STIM2: variants seen among roughly 807,000 people sequenced by gnomAD.
STIM2 encodes the protein stromal interaction molecule 2.
Under a neutral mutation model 85.8 loss-of-function variants are expected in STIM2, and 31 were observed. That is an observed-to-expected ratio of 0.36 (90% CI 0.27 to 0.49). The LOEUF (loss-of-function observed/expected upper bound fraction) is 0.49, where lower values mean the gene tolerates loss of function less well. Among genes scored for constraint, STIM2 ranks in the 20% least tolerant of loss-of-function variants. STIM2 has a pLI of 0.98. For missense variants in STIM2, 841 were observed against 927.6 expected, an observed-to-expected ratio of 0.91 and a Z score of 1.21; for synonymous variants, 356 against 331.1, an observed-to-expected ratio of 1.08 and a Z score of -0.82.
rs778412917 is a variant in STIM2 at position 26,861,348 on chromosome 4, G to C, written c.130G>C (p.Asp44His). 2 of 1,369,696 alleles carry C rather than the reference G, an allele frequency of 1.5e-6. No homozygotes were observed. Among genetic ancestry groups the C allele is most frequent in the South Asian group, 1.7e-5 (1 of 59,962 alleles). The allele number at this position is 1,369,696 out of a possible 1,614,324, so 84.8% of individuals were successfully genotyped here. A position where few individuals can be genotyped will look rare whatever the true frequency, so the allele number is the denominator to read the frequency against. Reference sequence around the variant, plus strand: ...CTCCTCTCCCGCCGCGGCGGCCGGCGATAGCCCGGCGCTCATGACAGGTGA... The same window carrying C: ...CTCCTCTCCCGCCGCGGCGGCCGGCCATAGCCCGGCGCTCATGACAGGTGA... Residue 44 changes from aspartate (D) to histidine (H), a missense_variant, in exon 1 of 12, where the codon GAT becomes CAT. This residue lies in a region of STIM2 where 140 missense variants were observed against 117.7 expected (regional missense o/e 1.19). Coordinates refer to ENST00000467087, the MANE Select transcript of STIM2 (RefSeq NM_020860.4).
At chr4:26,919,780 C>A in intron 2 of STIM2, 146 bp downstream of exon 2, 1 of 960,306 alleles carries the variant, frequency 1.0e-6, no homozygotes, top group South Asian at 1.8e-5. Flanking sequence ...GTTAATTTTA[C>A]CCTTAATAAA....
chr4:26,861,007 C>A lies in STIM2; in HGVS notation c.-212C>A. The A allele has an allele frequency of 1.6e-6, 2 of 1,275,428 alleles. No individual in the cohort carries two copies. Among genetic ancestry groups the A allele is most frequent in the Non-Finnish European group, 1.0e-6 (1 of 1,000,898 alleles). 79.0% of individuals were successfully genotyped at this position (1,275,428 alleles called of 1,614,324 possible). On this transcript the variant is annotated 5_prime_UTR_variant, in exon 1 of 12. Transcript: ENST00000467087. ...CCGGAGGCCGCCGGTGCCGATGGGA[C>A]CAGGCTGGCGCCCGGCGGGAGCCCG...
At chr4:26,928,407 A>G (rs1172654870) in intron 2 of STIM2, among the ~76,000 whole-genome samples, 3 of 152,362 alleles carry the variant, frequency 2.0e-5, no homozygotes, top group Non-Finnish European at 4.4e-5. Flanking sequence ...CATGATATAT[A>G]CACAGAGAAA....
intron 1 of STIM2, among the ~76,000 whole-genome samples, chr4:26,907,458 A>G (rs12331333): frequency 0.45 from 68,172 of 151,962 alleles, 15,436 homozygotes; most frequent in East Asian, 0.63. Context: ...GCTGTTAACA[A>G]GTACTGAAGT....
intron 3 of STIM2, among the ~76,000 whole-genome samples, chr4:26,995,002 ATG>A (rs1433701224): frequency 6.6e-6 from 1 of 152,126 alleles, no homozygotes; most frequent in African/African-American, 2.4e-5. Context: ...AGTGCTTAGA[ATG>A]AAATCTGGTA....
chr4:26,870,044 A>G (rs183448898), intron 1 of STIM2, among the ~76,000 whole-genome samples: 25 of 152,272 alleles, frequency 1.6e-4, no homozygotes, highest in South Asian at 4.1e-4. Context: ...TGCTAAGTGA[A>G]GTAACGCAGC....
At chr4:26,923,255 A>G (rs1218157339) in intron 2 of STIM2, among the ~76,000 whole-genome samples, 1 of 151,570 alleles carries the variant, frequency 6.6e-6, no homozygotes, top group Non-Finnish European at 1.5e-5. Flanking sequence ...CCAAAAGTAG[A>G]TAAAACCACA....
chr4:26,861,477 C>T (rs1722189109), intron 1 of STIM2, 108 bp downstream of exon 1: 2 of 1,231,210 alleles, frequency 1.6e-6, no homozygotes, highest in South Asian at 3.3e-5. Context: ...GCGGCTCCGG[C>T]CAGGGCGCGA....
intron 2 of STIM2, among the ~76,000 whole-genome samples, chr4:26,934,148 C>T (rs1447649630): frequency 2.0e-5 from 3 of 152,096 alleles, no homozygotes; most frequent in South Asian, 2.1e-4. Context: ...GAGCCGAGAT[C>T]GTGCCCCTGC....
chr4:26,959,453 T>C (rs1001649071), intron 3 of STIM2, among the ~76,000 whole-genome samples: 3 of 152,160 alleles, frequency 2.0e-5, no homozygotes, highest in Non-Finnish European at 4.4e-5. Context: ...TCTTGATCTT[T>C]CTTACTCAGC....
At chr4:27,008,676 G>A (rs115831657) in intron 9 of STIM2, 88 bp from the exon 10 acceptor site, 17,283 of 1,299,438 alleles carry the variant, frequency 0.013, 227 homozygotes, top group South Asian at 0.045. Flanking sequence ...TTAGTTAATT[G>A]CCATGGTCTG....
chr4:26,911,236 AAATAAAT>A (rs1724325408), intron 1 of STIM2, among the ~76,000 whole-genome samples: 3 of 63,886 alleles, frequency 4.7e-5, no homozygotes, highest in Non-Finnish European at 1.2e-4. Flanking sequence ...CTCAAAAAAT[AAATAAAT>A]AAATAAATAA....
intron 1 of STIM2, among the ~76,000 whole-genome samples, chr4:26,889,994 T>C (rs1723404730): frequency 6.6e-6 from 1 of 152,152 alleles, no homozygotes; most frequent in Admixed American, 6.5e-5. Context: ...GTAGGCCACA[T>C]CCTATGAATT....
intron 1 of STIM2, among the ~76,000 whole-genome samples, chr4:26,868,709 G>A (rs1722493302): frequency 6.6e-6 from 1 of 151,500 alleles, no homozygotes. Flanking sequence ...ATCTGATGTT[G>A]GATAACTAGA....
intron 2 of STIM2, among the ~76,000 whole-genome samples, chr4:26,945,836 G>T (rs185707076): frequency 6.6e-6 from 1 of 151,574 alleles, no homozygotes; most frequent in Admixed American, 6.6e-5. Flanking sequence ...GGAACTTTTC[G>T]TACTTTTCAC....
chr4:26,939,194 G>A (rs976172276), intron 2 of STIM2, among the ~76,000 whole-genome samples: 1 of 152,060 alleles, frequency 6.6e-6, no homozygotes, highest in Admixed American at 6.6e-5. Flanking sequence ...CTTGGCATGT[G>A]CTTCCTATCA....
chr4:26,909,605 A>C (rs1225620810), intron 1 of STIM2, among the ~76,000 whole-genome samples: 1 of 152,190 alleles, frequency 6.6e-6, no homozygotes, highest in African/African-American at 2.4e-5. Flanking sequence ...TCTAGTGTTG[A>C]TATAGTTAAG....
chr4:26,965,327 G>T (rs891527349), intron 3 of STIM2, among the ~76,000 whole-genome samples: 12 of 152,090 alleles, frequency 7.9e-5, no homozygotes, highest in Admixed American at 7.9e-4. Flanking sequence ...AACATTTAAG[G>T]GAGTTTAACA....
At chr4:26,986,115 T>G (rs1381197445) in intron 3 of STIM2, among the ~76,000 whole-genome samples, 2 of 152,200 alleles carry the variant, frequency 1.3e-5, no homozygotes, top group Non-Finnish European at 2.9e-5. Context: ...GCAAGTGGCT[T>G]AAACTCTGAG....
Sources: allele counts gnomAD v4.1 joint callset (sites outside exome capture counted in the v4.1 genomes callset), GRCh38; gene constraint gnomAD v4.1.1; regional missense constraint gnomAD v4.1.1; transcripts MANE v1.5; gene names NCBI Gene and HGNC (gene_info 2026-07-23, HGNC 2026-07-21).